Variants in DNER observed in about 807,000 individuals in gnomAD.
DNER encodes delta/notch like EGF repeat containing, also known as delta and Notch-like epidermal growth factor-related receptor.
In DNER, 33 loss-of-function variants were observed where a neutral mutation model predicts 78.2. That is an observed-to-expected ratio of 0.42 (90% CI 0.32 to 0.56). The LOEUF is 0.56. Among genes scored for constraint, DNER ranks in the 20% least tolerant of loss-of-function variants. The pLI, the probability that DNER is intolerant of heterozygous loss-of-function variation, is 0.11. For synonymous variants in DNER, 417 were observed against 384.8 expected, an observed-to-expected ratio of 1.08 and a Z score of -0.98; for missense variants, 918 against 975.3, an observed-to-expected ratio of 0.94 and a Z score of 0.78.
chr2:229,671,527 C>T (rs1699208430), intron 1 of DNER, among the ~76,000 whole-genome samples: 1 of 152,182 alleles, frequency 6.6e-6, no homozygotes, highest in Admixed American at 6.5e-5. Flanking sequence ...TGTCTCCCTC[C>T]ACCCCCAAAC....
chr2:229,590,418 T>C (rs1043147663), intron 2 of DNER, among the ~76,000 whole-genome samples: 1 of 152,190 alleles, frequency 6.6e-6, no homozygotes, highest in Admixed American at 6.5e-5. Flanking sequence ...TAAACCCCAT[T>C]GAAATACTTC....
intron 1 of DNER, among the ~76,000 whole-genome samples, chr2:229,664,975 T>G (rs931922349): frequency 1.3e-5 from 2 of 152,160 alleles, no homozygotes; most frequent in African/African-American, 4.8e-5. Context: ...AGTAGAATAG[T>G]CTCCCTTTTG....
At chr2:229,622,035 G>A (rs1013424494) in intron 1 of DNER, among the ~76,000 whole-genome samples, 1 of 152,164 alleles carries the variant, frequency 6.6e-6, no homozygotes, top group African/African-American at 2.4e-5. Flanking sequence ...GCAGTGAGCC[G>A]AGATCGCGCC....
At chr2:229,507,729 AC>A (rs1215971076) in intron 6 of DNER, among the ~76,000 whole-genome samples, 4 of 152,222 alleles carry the variant, frequency 2.6e-5, no homozygotes, top group African/African-American at 9.6e-5. Flanking sequence ...TCTATTTCAT[AC>A]TATATATATG....
At chr2:229,509,559 AT>A (rs1281257810) in intron 6 of DNER, among the ~76,000 whole-genome samples, 1 of 152,238 alleles carries the variant, frequency 6.6e-6, no homozygotes, top group Non-Finnish European at 1.5e-5. Context: ...CACACCTGTA[AT>A]TCCAGGACTT....
At chr2:229,601,004 G>A (rs1031507986) in intron 1 of DNER, among the ~76,000 whole-genome samples, 8 of 152,172 alleles carry the variant, frequency 5.3e-5, no homozygotes, top group Admixed American at 2.6e-4. Context: ...ACTGTGATAT[G>A]GGAGAGAAAG....
chr2:229,654,737 A>C (rs1698884853), intron 1 of DNER, among the ~76,000 whole-genome samples: 1 of 152,150 alleles, frequency 6.6e-6, no homozygotes, highest in Non-Finnish European at 1.5e-5. Context: ...AGACGCTATA[A>C]TCAGATTCAC....
rs1461813594 is a variant in DNER at position 229,518,492 on chromosome 2, C to T, written c.994-5556G>A. Among the ~76,000 whole-genome samples, 4 of 152,306 alleles carry T rather than the reference C, an allele frequency of 2.6e-5. No individual in the cohort carries two copies. In the East Asian group the frequency reaches 5.8e-4, roughly 22 times the overall value. ...AGAAGTGTAAATTGATACGAGGAGA[C>T]AGAGAGTGACAGTGGGGTGTAAATA... On this transcript the variant is annotated intron_variant, in intron 5 of 12. Transcript: ENST00000341772.
At chr2:229,616,110 T>A (rs1253910372) in intron 1 of DNER, among the ~76,000 whole-genome samples, 1 of 152,236 alleles carries the variant, frequency 6.6e-6, no homozygotes, top group African/African-American at 2.4e-5. Context: ...ATTAATATAA[T>A]GTGGTAGAAA....
intron 6 of DNER, among the ~76,000 whole-genome samples, chr2:229,502,982 G>T (rs1192515511): frequency 6.6e-6 from 1 of 152,184 alleles, no homozygotes; most frequent in Non-Finnish European, 1.5e-5. Context: ...AAGGTAGAGA[G>T]TGCACTGGTA....
At chr2:229,454,758 T>C (rs1283946681) in intron 7 of DNER, among the ~76,000 whole-genome samples, 5 of 152,014 alleles carry the variant, frequency 3.3e-5, no homozygotes, top group Non-Finnish European at 7.4e-5. Flanking sequence ...TTCTTACCAA[T>C]TCAAGAAAAT....
chr2:229,483,243 T>C (rs1695202999), intron 6 of DNER, among the ~76,000 whole-genome samples: 1 of 152,162 alleles, frequency 6.6e-6, no homozygotes, highest in Admixed American at 6.5e-5. Flanking sequence ...TGCAATTCAT[T>C]TGGGTCAAGA....
intron 4 of DNER, among the ~76,000 whole-genome samples, chr2:229,549,835 C>G (rs1032923379): frequency 6.6e-6 from 1 of 151,352 alleles, no homozygotes; most frequent in Non-Finnish European, 1.5e-5. Flanking sequence ...CGCTTGAACC[C>G]GGGAGGCAGA....
chr2:229,606,647 C>A (rs1697943872), intron 1 of DNER, among the ~76,000 whole-genome samples: 1 of 152,124 alleles, frequency 6.6e-6, no homozygotes, highest in Non-Finnish European at 1.5e-5. Context: ...AATCCCAGCA[C>A]TTTGGGAGGC....
At chr2:229,586,192 C>A (rs988670301) in intron 3 of DNER, among the ~76,000 whole-genome samples, 168 bp from the exon 4 acceptor site, 1 of 152,118 alleles carries the variant, frequency 6.6e-6, no homozygotes, top group Non-Finnish European at 1.5e-5. Flanking sequence ...GGCGTACACT[C>A]CCACTTGTTC....
At chr2:229,365,075 C>A (rs912639096) in intron 12 of DNER, among the ~76,000 whole-genome samples, 3 of 152,120 alleles carry the variant, frequency 2.0e-5, no homozygotes, top group African/African-American at 7.2e-5. Context: ...TACTTCTTAT[C>A]ATTCCCACTG....
intron 1 of DNER, among the ~76,000 whole-genome samples, chr2:229,713,096 T>A (rs1245423923): frequency 6.6e-6 from 1 of 152,218 alleles, no homozygotes; most frequent in East Asian, 1.9e-4. Flanking sequence ...TCCTCCACCC[T>A]AAATGTAAGG....
intron 11 of DNER, among the ~76,000 whole-genome samples, chr2:229,380,958 AAG>A (rs1001296714): frequency 1.3e-5 from 2 of 152,050 alleles, no homozygotes; most frequent in Non-Finnish European, 2.9e-5. Context: ...AAAATAAAAA[AAG>A]AAAACTGGAG....
At chr2:229,534,221 CAGACCAATAGATTGTGATGATATAG>C (rs1327535347) in intron 5 of DNER, among the ~76,000 whole-genome samples, 1 of 151,124 alleles carries the variant, frequency 6.6e-6, no homozygotes, top group Non-Finnish European at 1.5e-5. Flanking sequence ...TGTAATGTAA[CAGACCAATAGATTGTGATGATATAG>C]AGACCAATAG....
Sources: gnomAD v4.1 joint callset for allele counts (sites outside exome capture counted in the v4.1 genomes callset) on GRCh38, gnomAD v4.1.1 for gene constraint, MANE v1.5 for transcripts, NCBI Gene and HGNC (gene_info 2026-07-23, HGNC 2026-07-21) for gene names.